WRN: variants seen among roughly 807,000 people sequenced by gnomAD.
WRN encodes WRN RecQ like helicase, also known as bifunctional 3'-5' exonuclease/ATP-dependent helicase WRN.
In WRN, 149 loss-of-function variants were observed where a neutral mutation model predicts 180.7. The observed-to-expected ratio is 0.82, with a 90% confidence interval of 0.72 to 0.94. WRN has a LOEUF of 0.94. Among genes scored for constraint, WRN ranks in the 40% least tolerant of loss-of-function variants. The pLI is 0.00. For missense variants in WRN, 1,661 were observed against 1,700.1 expected (o/e 0.98, Z 0.40); for synonymous variants, 548 against 568.9 (o/e 0.96, Z 0.52).
Position 31,076,341 on chromosome 8 carries a change from A to G in WRN, c.839+54A>G. 5 of 1,477,598 alleles carry G rather than the reference A, an allele frequency of 3.4e-6. No homozygotes were observed. In the South Asian group the frequency reaches 5.9e-5, roughly 17 times the overall value. The allele number at this position is 1,477,598 out of a possible 1,614,324, so 91.5% of individuals were successfully genotyped here. A position where few individuals can be genotyped will look rare whatever the true frequency, so the allele number is the denominator to read the frequency against. On this transcript the variant is annotated intron_variant, in intron 8 of 34. Coordinates refer to ENST00000298139, the MANE Select transcript of WRN (RefSeq NM_000553.6). Reference sequence around the variant, plus strand: ...TTAAATCAATTCTGTTTATTTTTTTATCACATTTTCCTATATGTGAAGAAT... The same window carrying G: ...TTAAATCAATTCTGTTTATTTTTTTGTCACATTTTCCTATATGTGAAGAAT...
chr8:31,100,807 C>T (rs766586764), intron 17 of WRN, 42 bp from the exon 18 acceptor site: 21 of 1,538,752 alleles, frequency 1.4e-5, no homozygotes, highest in African/African-American at 8.6e-5. Context: ...TTTTTCCTTT[C>T]GAGCTTTATC....
rs1554540156 is a variant in WRN, at chr8:31,174,795, C to CCTCCCTTCCTTCCTTCCTTCCTTCCTT, written c.*1694_*1695insTCCCTTCCTTCCTTCCTTCCTTCCTTC. 2.7e-5 allele frequency among the ~76,000 whole-genome samples: 2 copies of CCTCCCTTCCTTCCTTCCTTCCTTCCTT among 74,640 alleles called. No homozygotes were observed. The highest frequency in any genetic ancestry group is 3.1e-4 in the East Asian group (1 of 3,228). 49.0% of individuals were successfully genotyped at this position (74,640 alleles called of 152,430 possible). The stretch of plus-strand genomic sequence containing the variant: ...CTCTTTCCTTCCTTCCCTTCCCTTC[C>CCTCCCTTCCTTCCTTCCTTCCTTCCTT]CCTTCCTTCCTTCCTTCCTTCCTTC... On this transcript the variant is annotated 3_prime_UTR_variant, in exon 35 of 35. Transcript: ENST00000298139.
intron 26 of WRN, among the ~76,000 whole-genome samples, chr8:31,142,032 C>G (rs1201339893): frequency 6.6e-6 from 1 of 151,900 alleles, no homozygotes; most frequent in Non-Finnish European, 1.5e-5. Context: ...TTACTGCAGC[C>G]TCGATCTCGT....
In WRN at chr8:31,055,142, C is replaced by T. The variant is rs1212474234; in HGVS notation, c.-76-3230C>T. On this transcript the variant is annotated intron_variant, in intron 1 of 34. Coordinates refer to ENST00000298139, the MANE Select transcript of WRN (RefSeq NM_000553.6). ...CATTGATGGGCATTTGGTTTTTTTC[C>T]ATGTCTTTGCTATTGTGAATAGTGC... is the stretch of plus-strand genomic sequence containing the variant. Among the ~76,000 whole-genome samples, 4 of 152,102 alleles carry T rather than the reference C, an allele frequency of 2.6e-5. No homozygotes were observed. The East Asian group carries it at 7.7e-4, about 29-fold the overall frequency.
intron 16 of WRN, among the ~76,000 whole-genome samples, chr8:31,094,009 A>T (rs961973857): frequency 6.6e-6 from 1 of 152,208 alleles, no homozygotes; most frequent in Non-Finnish European, 1.5e-5. Context: ...CACCTGATAG[A>T]CATTTGGATC....
chr8:31,132,459 G>C lies in WRN; in HGVS notation c.2920G>C (p.Gly974Arg). 8 of 1,614,108 alleles carry C rather than the reference G, an allele frequency of 5.0e-6. No individual in the cohort carries two copies. The highest frequency in any genetic ancestry group is 6.8e-6 in the Non-Finnish European group (8 of 1,180,008). Residue 974 changes from glycine to arginine, a missense_variant, in exon 24 of 35, where the codon GGC (glycine) becomes CGC (arginine). Transcript: ENST00000298139. ...FKLLSAVDIL[G>R]EKFGIGLPIL... is the part of the protein sequence containing the mutation. ...GCTTTTGTCTGCTGTGGACATCTTA[G>C]GCGAAAAATTTGGAATTGGGCTTCC...
At chr8:31,145,625 A>G (rs758648205) in intron 28 of WRN, among the ~76,000 whole-genome samples, 1 of 152,102 alleles carries the variant, frequency 6.6e-6, no homozygotes, top group Non-Finnish European at 1.5e-5. Context: ...AAGTAAATTA[A>G]CCTTTTAAGT....
chr8:31,034,454 T>G (rs1811368087), intron 1 of WRN, among the ~76,000 whole-genome samples: 1 of 152,232 alleles, frequency 6.6e-6, no homozygotes, highest in African/African-American at 2.4e-5. Context: ...TGAAAAATAC[T>G]ACTCCCTATT....
chr8:31,151,371 A>C (rs370951662), intron 31 of WRN, among the ~76,000 whole-genome samples: 6 of 152,284 alleles, frequency 3.9e-5, no homozygotes, highest in South Asian at 2.1e-4. Flanking sequence ...ACTTTAGAAA[A>C]ATCTTTCTCT....
chr8:31,171,250 C>G (rs564883081), intron 34 of WRN: 1 of 151,338 alleles, frequency 6.6e-6, no homozygotes, highest in Non-Finnish European at 1.5e-5. Flanking sequence ...CCTCTTTTGG[C>G]AGAGTGGGAG....
At chr8:31,131,160 C>CTTTCTTTTTTTT (rs144507657) in intron 23 of WRN, among the ~76,000 whole-genome samples, 12 of 106,838 alleles carry the variant, frequency 1.1e-4, no homozygotes, top group Non-Finnish European at 2.0e-4. Context: ...TTGCAACTTT[C>CTTTCTTTTTTTT]TTTTTTTTTG....
chr8:31,058,683 G>A (rs1812369915), intron 2 of WRN, 140 bp downstream of exon 2: 1 of 790,580 alleles, frequency 1.3e-6, no homozygotes. Context: ...GGACCTAGTT[G>A]TTGAAAGGGT....
chr8:31,084,144 G>A (rs1224131206), intron 10 of WRN, among the ~76,000 whole-genome samples: 8 of 152,010 alleles, frequency 5.3e-5, no homozygotes, highest in East Asian at 1.9e-4. Context: ...GATTATGGGC[G>A]TGCACCACCA....
chr8:31,105,325 TCTCTTTATTCTCAGC>T (rs1334266125), intron 18 of WRN, among the ~76,000 whole-genome samples: 2 of 152,162 alleles, frequency 1.3e-5, no homozygotes, highest in Non-Finnish European at 2.9e-5. Context: ...TTCCTTACTG[TCTCTTTATTCTCAGC>T]CTCCTGTTCC....
intron 30 of WRN, among the ~76,000 whole-genome samples, chr8:31,149,467 T>G (rs1563381761): frequency 4.1e-5 from 2 of 48,552 alleles, no homozygotes; most frequent in African/African-American, 7.8e-5. Flanking sequence ...TTTTTTTTTT[T>G]TTTTTTTTTT....
At position 31,113,801 on chromosome 8, in the gene WRN, G is replaced by A. The variant is rs1170998659; in HGVS notation, c.2273+2002G>A. Among the ~76,000 whole-genome samples the A allele has an allele frequency of 2.6e-5, 4 of 151,470 alleles. No homozygotes were observed. The East Asian group carries it at 5.8e-4, about 22-fold the overall frequency. The stretch of plus-strand genomic sequence containing the variant: ...TTGAGGTCTTTGTTACTTTTTAGCC[G>A]AGACTATTATAATTTCCCCAACAGA... On this transcript the variant is annotated intron_variant, in intron 19 of 34. Coordinates refer to ENST00000298139, the MANE Select transcript of WRN (RefSeq NM_000553.6).
At chr8:31,047,204 A>G (rs570908401) in intron 1 of WRN, among the ~76,000 whole-genome samples, 1 of 149,718 alleles carries the variant, frequency 6.7e-6, no homozygotes, top group South Asian at 2.1e-4. Context: ...GTGCAGTGGC[A>G]AGATCGTGGC....
chr8:31,103,790 A>G (rs891481624), intron 18 of WRN, among the ~76,000 whole-genome samples: 1 of 152,042 alleles, frequency 6.6e-6, no homozygotes, highest in East Asian at 1.9e-4. Context: ...GCTGGAATGC[A>G]GTGGCGCGAT....
intron 21 of WRN, among the ~76,000 whole-genome samples, chr8:31,123,096 TTG>T (rs1244517731): frequency 6.6e-6 from 1 of 151,958 alleles, no homozygotes; most frequent in African/African-American, 2.4e-5. Flanking sequence ...AGTGGTGGCT[TTG>T]AGTACTGTAA....
Sources: allele counts gnomAD v4.1 joint callset (sites outside exome capture counted in the v4.1 genomes callset), GRCh38; gene constraint gnomAD v4.1.1; transcripts MANE v1.5; gene names NCBI Gene and HGNC (gene_info 2026-07-23, HGNC 2026-07-21).